SYNRG: variants seen among roughly 807,000 people sequenced by gnomAD.
SYNRG encodes the protein AP1 gamma subunit binding protein 1.
Under a neutral mutation model 130.9 loss-of-function variants are expected in SYNRG, and 37 were observed. The observed-to-expected ratio is 0.28, with a 90% CI of 0.22 to 0.37. SYNRG has a LOEUF of 0.37. SYNRG is among the 10% of genes least tolerant of loss of function. The pLI is 1.00. For synonymous variants in SYNRG, 539 were observed against 568.1 expected (o/e 0.95, Z 0.73); for missense variants, 1,338 against 1,588.9 (o/e 0.84, Z 2.68).
chr17:37,542,545 C>A lies in SYNRG; in HGVS notation c.2629G>T (p.Ala877Ser). 1 of 1,611,304 alleles carries A rather than the reference C, an allele frequency of 6.2e-7. No homozygotes were observed. Among genetic ancestry groups the A allele is most frequent in the South Asian group, 1.1e-5 (1 of 91,074 alleles). Residue 877 changes from alanine (A) to serine (S), a missense_variant, in exon 15 of 22, where the codon GCT becomes TCT. Physicochemically the swap from Ala to Ser is moderately conservative, Grantham distance 99. Coordinates refer to ENST00000612223, the MANE Select transcript of SYNRG (RefSeq NM_007247.6). ...PAADIEDLKY[A>S]AFGSYSSNFA... ...TTGCTACTGTAGCTTCCAAAAGCAG[C>A]ATATTTTAAGTCCTCTATATCTGAA...
chr17:37,598,252 C>T (rs2062951715), intron 2 of SYNRG, among the ~76,000 whole-genome samples: 2 of 152,164 alleles, frequency 1.3e-5, no homozygotes, highest in Admixed American at 6.5e-5. Flanking sequence ...TGCTATTTTA[C>T]ATAGGGCAAT....
In SYNRG at chr17:37,571,848, A is replaced by G. The variant is rs753679758; in HGVS notation, c.1041T>C (p.Pro347=). The change falls in exon 9 of 22, where the codon CCT becomes CCC. Residue 347 remains proline (P), a synonymous_variant. Coordinates refer to ENST00000612223, the MANE Select transcript of SYNRG (RefSeq NM_007247.6). ...AAAGTTCTTCTTTTGTAAGTTTGCCAGGTGTAGTTCGATTAGCTAAGGCCC... is the reference window on the plus strand; with the variant it reads ...AAAGTTCTTCTTTTGTAAGTTTGCCGGGTGTAGTTCGATTAGCTAAGGCCC... ...QIWALANRTT[P]GKLTKEELYT... 10 of 1,614,072 alleles carry G rather than the reference A, an allele frequency of 6.2e-6. No individual in the cohort carries two copies. In the South Asian group the frequency reaches 1.1e-4, roughly 18 times the overall value.
intron 4 of SYNRG, 68 bp downstream of exon 4, chr17:37,586,351 A>C: frequency 6.3e-7 from 1 of 1,591,586 alleles, no homozygotes. Flanking sequence ...ACTAGAGATC[A>C]TTAGACAATT....
intron 2 of SYNRG, among the ~76,000 whole-genome samples, chr17:37,597,157 T>C (rs1317285085): frequency 1.3e-5 from 2 of 152,224 alleles, no homozygotes; most frequent in South Asian, 2.1e-4. Flanking sequence ...GGAGAATCCA[T>C]GTGGTAAGGT....
intron 19 of SYNRG, among the ~76,000 whole-genome samples, chr17:37,530,315 A>G (rs2056490616): frequency 6.6e-6 from 1 of 152,212 alleles, no homozygotes; most frequent in Non-Finnish European, 1.5e-5. Context: ...CTATGATGAT[A>G]TTCAGGCTTA....
chr17:37,534,798 A>AG (rs1265707347), intron 19 of SYNRG, among the ~76,000 whole-genome samples: 1 of 152,184 alleles, frequency 6.6e-6, no homozygotes, highest in Non-Finnish European at 1.5e-5. Flanking sequence ...GAAGACATGT[A>AG]GTTGGGGTAG....
chr17:37,581,338 C>T (rs2061319538), intron 6 of SYNRG, among the ~76,000 whole-genome samples: 1 of 152,064 alleles, frequency 6.6e-6, no homozygotes, highest in Admixed American at 6.6e-5. Flanking sequence ...AGAACAGTGG[C>T]ACAATCTCAG....
At chr17:37,572,556 G>A (rs1020848107) in intron 8 of SYNRG, among the ~76,000 whole-genome samples, 1 of 152,186 alleles carries the variant, frequency 6.6e-6, no homozygotes, top group Non-Finnish European at 1.5e-5. Flanking sequence ...TTATAATTCA[G>A]TAGAAGATTG....
chr17:37,553,443 A>G lies in SYNRG; in HGVS notation c.2280T>C (p.Val760=), dbSNP rs1312803665. The G allele has an allele frequency of 3.1e-6, 5 of 1,614,222 alleles. No individual in the cohort carries two copies. The highest frequency in any genetic ancestry group is 4.2e-6 in the Non-Finnish European group (5 of 1,180,040). The change falls in exon 14 of 22, where the codon GTT becomes GTC. Residue 760 remains valine, a synonymous_variant. Transcript: ENST00000612223. The part of the protein sequence containing the change: ...QLSLEGSGLG[V]EDLKDNTPSG... The stretch of plus-strand genomic sequence containing the variant: ...AAGGAGTGTTATCTTTCAGGTCTTC[A>G]ACACCTAGTCCAGACCCTTCCAGAG...
chr17:37,566,563 C>G (rs916704416), intron 11 of SYNRG, among the ~76,000 whole-genome samples: 8 of 149,234 alleles, frequency 5.4e-5, no homozygotes, highest in Admixed American at 4.7e-4. Context: ...ATCTGCTGAC[C>G]TTCCCTCCAC....
chr17:37,596,127 C>A (rs1046714414), intron 3 of SYNRG, 96 bp downstream of exon 3: 36 of 1,374,942 alleles, frequency 2.6e-5, no homozygotes, highest in Non-Finnish European at 3.5e-5. Context: ...ATGCTTATTT[C>A]TAATTGTAAC....
intron 19 of SYNRG, chr17:37,529,999 C>CCCAG (rs1437991825): frequency 1.0e-5 from 7 of 684,382 alleles, no homozygotes; most frequent in Non-Finnish European, 1.7e-5. Context: ...ACTCTACAGT[C>CCCAG]CTGGTATATA....
intron 1 of SYNRG, among the ~76,000 whole-genome samples, chr17:37,603,820 T>C (rs557893105): frequency 6.7e-4 from 102 of 152,284 alleles, no homozygotes; most frequent in Admixed American, 3.0e-3. Flanking sequence ...TAGTGGTCAG[T>C]GAGTATTGGT....
intron 14 of SYNRG, among the ~76,000 whole-genome samples, chr17:37,549,579 G>C (rs968669599): frequency 4.6e-5 from 7 of 152,102 alleles, no homozygotes; most frequent in Admixed American, 4.6e-4. Flanking sequence ...TCTGCAATTA[G>C]AGGATGGAGT....
chr17:37,522,959 T>G (rs145726662), intron 19 of SYNRG, among the ~76,000 whole-genome samples: 8 of 152,196 alleles, frequency 5.3e-5, no homozygotes, highest in Non-Finnish European at 1.2e-4. Flanking sequence ...AAGTTTAATC[T>G]GCACTAATAA....
At chr17:37,578,365 A>G (rs543715375) in intron 6 of SYNRG, among the ~76,000 whole-genome samples, 1 of 152,262 alleles carries the variant, frequency 6.6e-6, no homozygotes, top group Non-Finnish European at 1.5e-5. Flanking sequence ...AAATAATTCA[A>G]TCACTGCACA....
intron 11 of SYNRG, among the ~76,000 whole-genome samples, chr17:37,562,119 G>A (rs947659625): frequency 3.9e-5 from 6 of 152,202 alleles, no homozygotes; most frequent in African/African-American, 1.2e-4. Flanking sequence ...AATGTAAATT[G>A]TTTTTCTTCT....
chr17:37,534,183 T>C (rs1445097294), intron 19 of SYNRG, among the ~76,000 whole-genome samples: 1 of 150,108 alleles, frequency 6.7e-6, no homozygotes, highest in Non-Finnish European at 1.5e-5. Flanking sequence ...GCCTCAATTG[T>C]TCTGCCCGCC....
At position 37,571,837 on chromosome 17, in the gene SYNRG, G is replaced by T. The variant is rs878863766; in HGVS notation, c.1052C>A (p.Thr351Lys). 7.4e-6 allele frequency: 12 copies of T among 1,613,954 alleles called. No individual in the cohort carries two copies. Among genetic ancestry groups the T allele is most frequent in the African/African-American group, 2.7e-5 (2 of 74,894 alleles). Reference protein sequence around the residue: ...LANRTTPGKLTKEELYTVLAM... With the variant: ...LANRTTPGKLKKEELYTVLAM... ...TAGAACGGTATAAAGTTCTTCTTTTGTAAGTTTGCCAGGTGTAGTTCGATT... is the reference window on the plus strand; with the variant it reads ...TAGAACGGTATAAAGTTCTTCTTTTTTAAGTTTGCCAGGTGTAGTTCGATT... The change falls in exon 9 of 22, where the codon ACA becomes AAA. Residue 351 changes from threonine (T) to lysine (K), a missense_variant. Physicochemically the swap from Thr to Lys is moderately conservative, Grantham distance 78. This residue lies in a region of SYNRG where 1,146 missense variants were observed against 1,342.3 expected (regional missense o/e 0.85). Coordinates refer to ENST00000612223, the MANE Select transcript of SYNRG (RefSeq NM_007247.6).
Sources: gnomAD v4.1 joint callset for allele counts (sites outside exome capture counted in the v4.1 genomes callset) on GRCh38, gnomAD v4.1.1 for gene constraint, gnomAD v4.1.1 regional missense constraint, MANE v1.5 for transcripts, NCBI Gene and HGNC (gene_info 2026-07-23, HGNC 2026-07-21) for gene names.